Variants in RFC3 observed in about 807,000 individuals in gnomAD.
RFC3 encodes the protein replication factor C subunit 3, also known as A1 38 kDa subunit.
A neutral mutation model predicts 45.1 loss-of-function variants in RFC3; 41 were observed. The observed-to-expected ratio is 0.91, with a 90% CI of 0.71 to 1.18. The LOEUF (loss-of-function observed/expected upper bound fraction) is 1.18. Among genes scored for constraint, RFC3 ranks in the 50% most tolerant of loss-of-function variants. The probability of loss-of-function intolerance (pLI) is 0.00; values close to 1 mark genes in which losing one functional copy is unlikely to be tolerated. For synonymous variants in RFC3, 149 were observed against 144.0 expected, an observed-to-expected ratio of 1.03 and a Z score of -0.25; for missense variants, 423 against 428.1, an observed-to-expected ratio of 0.99 and a Z score of 0.10.
At chr13:33,907,389 A>G (rs2082678209) in intron 8 of RFC3, among the ~76,000 whole-genome samples, 1 of 152,086 alleles carries the variant, frequency 6.6e-6, no homozygotes, top group South Asian at 2.1e-4. Flanking sequence ...ATATTTTATT[A>G]CCCCATTATT....
chr13:33,849,879 A>G (rs1193485281), intron 8 of RFC3: 1 of 152,126 alleles, frequency 6.6e-6, no homozygotes, highest in Non-Finnish European at 1.5e-5. Flanking sequence ...TCTGTCTCAA[A>G]AAAAAACAAA....
At chr13:33,852,064 C>T (rs907467071) in intron 8 of RFC3, among the ~76,000 whole-genome samples, 9 of 152,118 alleles carry the variant, frequency 5.9e-5, no homozygotes, top group Non-Finnish European at 1.3e-4. Context: ...GAGAGTATTG[C>T]ACTATCTGAA....
intron 2 of RFC3, among the ~76,000 whole-genome samples, chr13:33,822,062 T>C (rs3135560): frequency 0.035 from 5,319 of 152,306 alleles, 160 homozygotes; most frequent in East Asian, 0.14. Context: ...TGAGTGTGGA[T>C]GGTAGTGCTA....
intron 8 of RFC3, among the ~76,000 whole-genome samples, chr13:33,912,345 A>G (rs1186233942): frequency 6.6e-6 from 1 of 152,124 alleles, no homozygotes; most frequent in African/African-American, 2.4e-5. Context: ...CAAGTAAATA[A>G]GTGACTGCAA....
At chr13:33,943,346 C>A (rs2082936110) in intron 8 of RFC3, among the ~76,000 whole-genome samples, 1 of 152,174 alleles carries the variant, frequency 6.6e-6, no homozygotes, top group Non-Finnish European at 1.5e-5. Flanking sequence ...TCTGTTGCTG[C>A]TTAATAGATT....
At chr13:33,895,622 G>A (rs185685817) in intron 8 of RFC3, among the ~76,000 whole-genome samples, 53 of 152,248 alleles carry the variant, frequency 3.5e-4, no homozygotes, top group Non-Finnish European at 6.0e-4. Flanking sequence ...TCTAAAAGTA[G>A]ATCTACCATT....
intron 6 of RFC3, 123 bp from the exon 7 acceptor site, chr13:33,831,133 T>G: frequency 1.5e-6 from 1 of 659,262 alleles, no homozygotes; most frequent in South Asian, 1.9e-5. Flanking sequence ...TGCTGGCCTA[T>G]CCGCTGCTCA....
chr13:33,818,239 G>A lies in RFC3; in HGVS notation c.61G>A (p.Glu21Lys). The part of the protein sequence containing the change: ...CSLGRLDYHK[E>K]QAAQLRNLVQ... Reference sequence around the variant, plus strand: ...CTTGGGACGGCTGGACTATCACAAGGAGCAGGCGGCCCAGCTGCGGAACCT... The same window carrying A: ...CTTGGGACGGCTGGACTATCACAAGAAGCAGGCGGCCCAGCTGCGGAACCT... The change falls in exon 1 of 9, where the codon GAG becomes AAG. Residue 21 changes from glutamate (E) to lysine (K), a missense_variant. Coordinates refer to ENST00000380071, the MANE Select transcript of RFC3 (RefSeq NM_002915.4). The A allele has an allele frequency of 6.2e-7, 1 of 1,613,638 alleles. No homozygotes were observed. Among genetic ancestry groups the A allele is most frequent in the Non-Finnish European group, 8.5e-7 (1 of 1,179,980 alleles).
At chr13:33,862,820 A>G (rs2082349640) in intron 8 of RFC3, among the ~76,000 whole-genome samples, 1 of 152,196 alleles carries the variant, frequency 6.6e-6, no homozygotes, top group South Asian at 2.1e-4. Flanking sequence ...GAAAATCAGG[A>G]TCTAAAAATA....
At chr13:33,878,438 G>C (rs2082461918) in intron 8 of RFC3, among the ~76,000 whole-genome samples, 1 of 152,138 alleles carries the variant, frequency 6.6e-6, no homozygotes, top group Non-Finnish European at 1.5e-5. Flanking sequence ...GTGAGGATTT[G>C]ATGATGGGCT....
chr13:33,935,912 A>G (rs938440198), intron 8 of RFC3, among the ~76,000 whole-genome samples: 1 of 152,192 alleles, frequency 6.6e-6, no homozygotes, highest in Non-Finnish European at 1.5e-5. Context: ...TGCTGGGCCT[A>G]AAGTGTTGTT....
At chr13:33,965,102 C>A (rs1254301077) in intron 8 of RFC3, among the ~76,000 whole-genome samples, 1 of 152,142 alleles carries the variant, frequency 6.6e-6, no homozygotes, top group Non-Finnish European at 1.5e-5. Flanking sequence ...GAGTCAATTT[C>A]TCTTGTTTTA....
At chr13:33,919,826 G>A (rs527722263) in intron 8 of RFC3, among the ~76,000 whole-genome samples, 2 of 152,236 alleles carry the variant, frequency 1.3e-5, no homozygotes, top group African/African-American at 2.4e-5. Context: ...GAGGAAGAAA[G>A]CCTCTGAGTC....
intron 8 of RFC3, among the ~76,000 whole-genome samples, chr13:33,916,021 A>G (rs2082731262): frequency 6.6e-6 from 1 of 151,882 alleles, no homozygotes; most frequent in African/African-American, 2.4e-5. Flanking sequence ...CTGATCTCAA[A>G]CTCTTGACCT....
chr13:33,871,807 C>T (rs1212033208), intron 8 of RFC3, among the ~76,000 whole-genome samples: 2 of 152,180 alleles, frequency 1.3e-5, no homozygotes, highest in African/African-American at 2.4e-5. Context: ...AGCTGTGCCA[C>T]TCAGTCTCCC....
chr13:33,899,742 C>T (rs528953051), intron 8 of RFC3, among the ~76,000 whole-genome samples: 1 of 151,926 alleles, frequency 6.6e-6, no homozygotes, highest in Admixed American at 6.6e-5. Flanking sequence ...GTTAAATTAG[C>T]CTTGTTCACA....
intron 8 of RFC3, among the ~76,000 whole-genome samples, chr13:33,856,544 G>C (rs1040135317): frequency 5.3e-5 from 8 of 152,096 alleles, no homozygotes; most frequent in Non-Finnish European, 2.9e-5. Context: ...CAAAATAAAC[G>C]TATTCCTGGG....
chr13:33,884,759 CTTA>C (rs2137609806), intron 8 of RFC3, among the ~76,000 whole-genome samples: 1 of 152,312 alleles, frequency 6.6e-6, no homozygotes, highest in East Asian at 1.9e-4. Flanking sequence ...ATCTGAGCTT[CTTA>C]TGGGTTTCCA....
rs2082155724 is a variant in RFC3, at chr13:33,836,440, A to G, written c.*145A>G. The G allele has an allele frequency of 6.2e-6, 9 of 1,452,524 alleles. No individual in the cohort carries two copies. In the East Asian group the frequency reaches 2.2e-4, roughly 35 times the overall value. 90.0% of individuals were successfully genotyped at this position (1,452,524 alleles called of 1,614,324 possible). A position where few individuals can be genotyped will look rare whatever the true frequency, so the allele number is the denominator to read the frequency against. Reference sequence around the variant, plus strand: ...ATAACTTCTCTGTGAACTATTAATCATCCTCTGAGTTAAATAATTGCTCCT... The same window carrying G: ...ATAACTTCTCTGTGAACTATTAATCGTCCTCTGAGTTAAATAATTGCTCCT... On this transcript the variant is annotated 3_prime_UTR_variant, in exon 9 of 9. Coordinates refer to ENST00000380071, the MANE Select transcript of RFC3 (RefSeq NM_002915.4).
Sources: gnomAD v4.1 joint callset for allele counts (sites outside exome capture counted in the v4.1 genomes callset) on GRCh38, gnomAD v4.1.1 for gene constraint, MANE v1.5 for transcripts, NCBI Gene and HGNC (gene_info 2026-07-23, HGNC 2026-07-21) for gene names.